Variants in PTPRN2 observed in about 807,000 individuals in gnomAD.
The protein encoded by PTPRN2 is receptor-type tyrosine-protein phosphatase N2.
In PTPRN2, 74 loss-of-function variants were observed where a neutral mutation model predicts 118.8. The ratio of observed to expected loss-of-function variants is 0.62; its 90% CI spans 0.52 to 0.76. The LOEUF is 0.76. Ranked by LOEUF, PTPRN2 falls within the 30% of genes least tolerant of loss-of-function variation. The pLI, the probability that PTPRN2 is intolerant of heterozygous loss-of-function variation, is 0.00. For synonymous variants in PTPRN2, 641 were observed against 608.0 expected (o/e 1.05, Z -0.80); for missense variants, 1,481 against 1,394.4 (o/e 1.06, Z -0.99).
chr7:158,490,800 G>A (rs1046319011), intron 1 of PTPRN2, among the ~76,000 whole-genome samples: 1 of 152,214 alleles, frequency 6.6e-6, no homozygotes, highest in Non-Finnish European at 1.5e-5. Context: ...AGACTCTCCC[G>A]GGGCTGCCCA....
intron 2 of PTPRN2, among the ~76,000 whole-genome samples, chr7:158,349,997 G>T (rs570666584): frequency 2.6e-5 from 4 of 152,290 alleles, no homozygotes; most frequent in Admixed American, 2.0e-4. Flanking sequence ...TAGGTCACAG[G>T]ATACAGCACG....
At chr7:157,931,029 C>CA (rs1006438304) in intron 11 of PTPRN2, among the ~76,000 whole-genome samples, 2 of 152,208 alleles carry the variant, frequency 1.3e-5, no homozygotes, top group African/African-American at 4.8e-5. Context: ...GAGGCTCCCA[C>CA]AGACTCTGAG....
chr7:157,730,810 C>A (rs554361520), intron 12 of PTPRN2, among the ~76,000 whole-genome samples: 1 of 152,162 alleles, frequency 6.6e-6, no homozygotes, highest in East Asian at 1.9e-4. Flanking sequence ...GGGCACATGG[C>A]GGAGACATGC....
Position 157,609,799 on chromosome 7 carries a change from C to A in PTPRN2, c.2345-5724G>T, listed in dbSNP as rs761643453. On this transcript the variant is annotated intron_variant, in intron 15 of 22. Transcript: ENST00000389418. The surrounding 1 kb of genome is among the most constrained non-coding windows in gnomAD (Gnocchi z 4.9). ...GCGCAGGTCAGCCAAGCTGGCAAAG[C>A]GTGTTCTTGCTGCCCCGTGGTGGCA... Among the ~76,000 whole-genome samples, 1 of 152,196 alleles carries A rather than the reference C, an allele frequency of 6.6e-6. No homozygotes were observed. Among genetic ancestry groups the A allele is most frequent in the Non-Finnish European group, 1.5e-5 (1 of 68,042 alleles).
chr7:158,467,348 T>C (rs1819470431), intron 2 of PTPRN2, among the ~76,000 whole-genome samples: 1 of 152,218 alleles, frequency 6.6e-6, no homozygotes, highest in South Asian at 2.1e-4. Context: ...TTATATATTT[T>C]AGATATTAAC....
Position 158,192,395 on chromosome 7 carries a change from G to A in PTPRN2, c.481C>T (p.Leu161=). ...LRRHLPFLEA[L]SQAPASDVLA... is the part of the protein sequence containing the mutation. ...ACGTCTGAGGCTGGGGCCTGGGACA[G>A]GGCCTCCAGGAAGGGCAGGTGGCGT... The change falls in exon 5 of 23, where the codon CTG becomes TTG. Residue 161 remains leucine, a synonymous_variant. Coordinates refer to ENST00000389418, the MANE Select transcript of PTPRN2 (RefSeq NM_002847.5). 5.9e-6 allele frequency: 9 copies of A among 1,533,484 alleles called. No individual in the cohort carries two copies. Among genetic ancestry groups the A allele is most frequent in the Non-Finnish European group, 7.8e-6 (9 of 1,151,242 alleles). 95.0% of individuals were successfully genotyped at this position (1,533,484 alleles called of 1,614,324 possible).
chr7:158,461,693 G>A (rs756339621), intron 2 of PTPRN2, among the ~76,000 whole-genome samples: 4 of 152,142 alleles, frequency 2.6e-5, no homozygotes, highest in African/African-American at 9.7e-5. Context: ...AGCATTTCCC[G>A]GAACCATGGA....
At position 157,974,899 on chromosome 7, in the gene PTPRN2, C is replaced by T. The variant is rs1802623955; in HGVS notation, c.1724-76162G>A. On this transcript the variant is annotated intron_variant, in intron 11 of 22. Coordinates refer to ENST00000389418, the MANE Select transcript of PTPRN2 (RefSeq NM_002847.5). The surrounding 1 kb of genome is among the most constrained non-coding windows in gnomAD (Gnocchi z 4.0). ...TCCCCAGCCCCTCAGGCATGTTCAC[C>T]ATCATGGCGCACATGTCTGGGAGTG... is the stretch of plus-strand genomic sequence containing the variant. Among the ~76,000 whole-genome samples, 1 of 152,088 alleles carries T rather than the reference C, an allele frequency of 6.6e-6. No individual in the cohort carries two copies. Among genetic ancestry groups the T allele is most frequent in the Admixed American group, 6.5e-5 (1 of 15,282 alleles).
At chr7:157,840,339 CGTGTGGCCGCGTGTGACT>C (rs1563160500) in intron 12 of PTPRN2, among the ~76,000 whole-genome samples, 186 of 99,644 alleles carry the variant, frequency 1.9e-3, no homozygotes, top group African/African-American at 5.8e-3. Context: ...CCGCGTGTGA[CGTGTGGCCGCGTGTGACT>C]GTGTGGCCGC....
At chr7:158,406,141 G>A (rs112149446) in intron 2 of PTPRN2, among the ~76,000 whole-genome samples, 1 of 97,816 alleles carries the variant, frequency 1.0e-5, no homozygotes, top group Non-Finnish European at 2.1e-5. Context: ...GAGACACGTG[G>A]CCGCACACTG....
chr7:157,825,956 G>A (rs1201044081), intron 12 of PTPRN2, among the ~76,000 whole-genome samples: 1 of 152,218 alleles, frequency 6.6e-6, no homozygotes, highest in Non-Finnish European at 1.5e-5. Flanking sequence ...ACTGAGTCAA[G>A]GCTTTGGAGA....
At chr7:158,138,629 C>G in intron 6 of PTPRN2, 114 bp from the exon 7 acceptor site, 1 of 925,266 alleles carries the variant, frequency 1.1e-6, no homozygotes, top group South Asian at 1.6e-5. Context: ...CAGTGGCCAC[C>G]TAGGGCCAGG....
intron 4 of PTPRN2, among the ~76,000 whole-genome samples, chr7:158,192,863 C>T (rs1231558597): frequency 1.3e-5 from 2 of 152,112 alleles, no homozygotes; most frequent in Non-Finnish European, 2.9e-5. Flanking sequence ...AGCCAGAGGC[C>T]GGGTGGGCAT....
chr7:157,712,077 A>G (rs1194239139), intron 12 of PTPRN2, among the ~76,000 whole-genome samples: 3 of 47,278 alleles, frequency 6.3e-5, no homozygotes, highest in Admixed American at 6.7e-4. Flanking sequence ...GGGGCCGGGC[A>G]GCTGGGGGCA....
chr7:157,776,317 CTCTCCTCCTCCTCCA>C (rs1342308132), intron 12 of PTPRN2, among the ~76,000 whole-genome samples: 1 of 114,394 alleles, frequency 8.7e-6, no homozygotes, highest in Non-Finnish European at 1.8e-5. Context: ...CTCTTCCTCC[CTCTCCTCCTCCTCCA>C]TCTCCTCCTC....
chr7:158,284,687 A>C, intron 3 of PTPRN2, among the ~76,000 whole-genome samples: 2 of 151,602 alleles, frequency 1.3e-5, no homozygotes, highest in South Asian at 2.1e-4. Context: ...CTGCCATCCC[A>C]CCTCTGTCCC....
intron 13 of PTPRN2, among the ~76,000 whole-genome samples, chr7:157,673,798 C>T (rs531735090): frequency 6.6e-4 from 100 of 152,250 alleles, no homozygotes; most frequent in South Asian, 5.8e-3. Flanking sequence ...CAGGGCTCCC[C>T]GCGTTCTCTG....
At chr7:158,189,450 C>A (rs1205002228) in intron 5 of PTPRN2, among the ~76,000 whole-genome samples, 1 of 152,214 alleles carries the variant, frequency 6.6e-6, no homozygotes, top group Non-Finnish European at 1.5e-5. Flanking sequence ...GCTCACTGGC[C>A]CATCCAAGGC....
intron 6 of PTPRN2, among the ~76,000 whole-genome samples, chr7:158,144,388 A>G (rs566901922): frequency 6.6e-4 from 100 of 152,320 alleles, no homozygotes; most frequent in African/African-American, 2.3e-3. Flanking sequence ...CCGTAATCCC[A>G]GCACTTTGGG....
Sources: gnomAD v4.1 joint callset for allele counts (sites outside exome capture counted in the v4.1 genomes callset) on GRCh38, gnomAD v4.1.1 for gene constraint, Gnocchi (gnomAD v3.1) non-coding constraint, MANE v1.5 for transcripts, NCBI Gene and HGNC (gene_info 2026-07-23, HGNC 2026-07-21) for gene names.